The following NAALADL2 variants were observed in gnomAD, a reference collection of about 807,000 sequenced individuals.
NAALADL2 encodes the protein inactive N-acetylated-alpha-linked acidic dipeptidase-like protein 2.
A neutral mutation model predicts 87.2 loss-of-function variants in NAALADL2; 76 were observed. The observed-to-expected ratio is 0.87, with a 90% CI of 0.72 to 1.05. NAALADL2 has a LOEUF of 1.05. Among genes scored for constraint, NAALADL2 ranks in the 50% least tolerant of loss-of-function variants. NAALADL2 has a pLI of 0.00. For synonymous variants in NAALADL2, 354 were observed against 331.0 expected (o/e 1.07, Z -0.75); for missense variants, 1,089 against 945.8 (o/e 1.15, Z -1.99).
chr3:175,391,564 T>C (rs1769075057), intron 5 of NAALADL2, among the ~76,000 whole-genome samples: 1 of 152,156 alleles, frequency 6.6e-6, no homozygotes, highest in African/African-American at 2.4e-5. Context: ...AACTGAACAT[T>C]GACAGCAAAC....
intron 3 of NAALADL2, among the ~76,000 whole-genome samples, chr3:175,251,945 G>A (rs1226504788): frequency 6.6e-6 from 1 of 152,106 alleles, no homozygotes; most frequent in East Asian, 1.9e-4. Context: ...TTTTTTGTGG[G>A]AAAAACTACA....
rs571442514 is a variant in NAALADL2, at chr3:175,209,262, T to C, written c.546-24669T>C. Among the ~76,000 whole-genome samples the C allele has an allele frequency of 3.9e-5, 6 of 152,204 alleles. No individual in the cohort carries two copies. In the East Asian group the frequency reaches 7.7e-4, roughly 20 times the overall value. ...ATTTATTCAATAGCTATAAAAGATATTGCTGAAGATAAAAGCAGAAAAAAA... is the reference window on the plus strand; with the variant it reads ...ATTTATTCAATAGCTATAAAAGATACTGCTGAAGATAAAAGCAGAAAAAAA... On this transcript the variant is annotated intron_variant, in intron 2 of 13. Coordinates refer to ENST00000454872, the MANE Select transcript of NAALADL2 (RefSeq NM_207015.3).
intron 3 of NAALADL2, among the ~76,000 whole-genome samples, chr3:174,829,119 T>TTGC (rs1722329798): frequency 6.6e-6 from 1 of 152,012 alleles, no homozygotes; most frequent in Admixed American, 6.6e-5. Flanking sequence ...GTTGTTGTTG[T>TTGC]TGTTTTTAAT....
chr3:175,073,494 G>A (rs1321845455), intron 1 of NAALADL2, among the ~76,000 whole-genome samples: 1 of 152,012 alleles, frequency 6.6e-6, no homozygotes, highest in Admixed American at 6.6e-5. Context: ...CGGTTACCTG[G>A]AACATCAGAC....
At chr3:175,010,265 C>G (rs1312214539) in intron 1 of NAALADL2, among the ~76,000 whole-genome samples, 1 of 152,098 alleles carries the variant, frequency 6.6e-6, no homozygotes, top group East Asian at 1.9e-4. Context: ...ATTTAAATAA[C>G]AGCCATATGG....
chr3:174,657,291 GA>G (rs1725056313), intron 2 of NAALADL2, among the ~76,000 whole-genome samples: 2 of 151,844 alleles, frequency 1.3e-5, no homozygotes, highest in Non-Finnish European at 2.9e-5. Flanking sequence ...AGGATTACAG[GA>G]ACCTGAGGAA....
intron 1 of NAALADL2, among the ~76,000 whole-genome samples, chr3:174,881,817 T>C (rs571886736): frequency 3.4e-4 from 52 of 152,234 alleles, no homozygotes; most frequent in Admixed American, 5.2e-4. Flanking sequence ...GATAAGTATG[T>C]GCAGAGAACA....
intron 5 of NAALADL2, among the ~76,000 whole-genome samples, chr3:175,330,637 C>T (rs1209439147): frequency 6.6e-6 from 1 of 151,896 alleles, no homozygotes; most frequent in South Asian, 2.1e-4. Context: ...ATACCAAAAC[C>T]TATGAGATAT....
intron 1 of NAALADL2, among the ~76,000 whole-genome samples, chr3:175,073,223 A>T (rs1169904730): frequency 1.3e-5 from 2 of 152,094 alleles, no homozygotes; most frequent in Non-Finnish European, 2.9e-5. Context: ...TTGTAATGCT[A>T]ATATCAGATT....
chr3:175,437,526 C>G (rs1718905673), intron 5 of NAALADL2, among the ~76,000 whole-genome samples: 1 of 142,972 alleles, frequency 7.0e-6, no homozygotes, highest in South Asian at 2.4e-4. Flanking sequence ...CCATACTGCC[C>G]AAGGTAATTT....
intron 1 of NAALADL2, among the ~76,000 whole-genome samples, chr3:174,537,384 G>T (rs977199454): frequency 6.6e-6 from 1 of 152,078 alleles, no homozygotes; most frequent in African/African-American, 2.4e-5. Flanking sequence ...TGCTACCGTT[G>T]ACTTGAAAGA....
chr3:174,778,846 T>C (rs1227548339), intron 3 of NAALADL2, among the ~76,000 whole-genome samples: 1 of 152,206 alleles, frequency 6.6e-6, no homozygotes, highest in Non-Finnish European at 1.5e-5. Context: ...CCATGGTGTA[T>C]ATGTGCCACA....
chr3:174,999,398 G>A (rs1747938696), intron 1 of NAALADL2, among the ~76,000 whole-genome samples: 1 of 151,996 alleles, frequency 6.6e-6, no homozygotes, highest in Admixed American at 6.6e-5. Flanking sequence ...TAATGTACAT[G>A]CTTTTCTTAA....
At chr3:175,420,212 A>G (rs1177776146) in intron 5 of NAALADL2, among the ~76,000 whole-genome samples, 2 of 151,972 alleles carry the variant, frequency 1.3e-5, no homozygotes, top group Non-Finnish European at 2.9e-5. Context: ...AAGTACTTGA[A>G]TGATTCTTGT....
intron 3 of NAALADL2, among the ~76,000 whole-genome samples, chr3:174,791,721 T>C (rs73174750): frequency 3.3e-5 from 5 of 152,208 alleles, no homozygotes; most frequent in Admixed American, 3.3e-4. Flanking sequence ...TTAGCTTTTT[T>C]AAAATTGTGA....
chr3:174,548,548 CAGAAAA>C (rs1711697846), intron 1 of NAALADL2, among the ~76,000 whole-genome samples: 4 of 151,812 alleles, frequency 2.6e-5, no homozygotes, highest in Non-Finnish European at 5.9e-5. Flanking sequence ...TAAAAACAGA[CAGAAAA>C]ACAGAAAAAA....
chr3:174,836,149 G>A (rs1477741459), intron 3 of NAALADL2, among the ~76,000 whole-genome samples: 1 of 152,160 alleles, frequency 6.6e-6, no homozygotes, highest in Non-Finnish European at 1.5e-5. Flanking sequence ...ATACCATTCA[G>A]TCTTAAAAAG....
rs768291039 is a variant in NAALADL2 at position 175,116,746 on chromosome 3, C to CAAA, written c.545+19460_545+19462dup. ...TGGAAAAACAAAACCACAACAACAACAAAAAAACCAAAAACTTTAAAGTCC... is the reference window on the plus strand; with the variant it reads ...TGGAAAAACAAAACCACAACAACAACAAAAAAAAAACCAAAAACTTTAAAGTCC... On this transcript the variant is annotated intron_variant, in intron 2 of 13. Transcript: ENST00000454872. Among the ~76,000 whole-genome samples, 1,052 of 151,238 alleles carry CAAA rather than the reference C, an allele frequency of 7.0e-3. 12 individuals are homozygous for CAAA. Among genetic ancestry groups the CAAA allele is most frequent in the African/African-American group, 0.024 (987 of 41,264 alleles).
chr3:174,446,277 T>G (rs979511607), intron 1 of NAALADL2, among the ~76,000 whole-genome samples: 2 of 152,170 alleles, frequency 1.3e-5, no homozygotes, highest in Non-Finnish European at 2.9e-5. Context: ...ACTTCAGAAG[T>G]GCTATGAATC....
Sources: gnomAD v4.1 joint callset for allele counts (sites outside exome capture counted in the v4.1 genomes callset) on GRCh38, gnomAD v4.1.1 for gene constraint, MANE v1.5 for transcripts, NCBI Gene and HGNC (gene_info 2026-07-23, HGNC 2026-07-21) for gene names.